The following PHF21B variants were observed in gnomAD, a reference collection of about 807,000 sequenced individuals.
The protein encoded by PHF21B is PHD finger protein 21B.
PHF21B carries 22 observed loss-of-function variants against 62.2 expected under a neutral mutation model. The observed-to-expected ratio is 0.35, with a 90% CI of 0.25 to 0.51. The LOEUF is 0.51. PHF21B is among the 20% of genes least tolerant of loss of function. PHF21B has a pLI of 0.97. For missense variants in PHF21B, 701 were observed against 707.9 expected, an observed-to-expected ratio of 0.99 and a Z score of 0.11; for synonymous variants, 341 against 314.7, an observed-to-expected ratio of 1.08 and a Z score of -0.88.
intron 2 of PHF21B, among the ~76,000 whole-genome samples, chr22:45,007,781 CA>C (rs1050417913): frequency 4.9e-5 from 5 of 102,958 alleles, no homozygotes; most frequent in Non-Finnish European, 8.2e-5. Context: ...GGGCGGGAGC[CA>C]GGGGGCGGGG....
chr22:44,961,203 C>G (rs1327100290), intron 2 of PHF21B, among the ~76,000 whole-genome samples: 1 of 152,080 alleles, frequency 6.6e-6, no homozygotes, highest in Non-Finnish European at 1.5e-5. Flanking sequence ...GATCCACCTG[C>G]CTCAGCCTCC....
intron 7 of PHF21B, 152 bp from the exon 8 acceptor site, chr22:44,891,512 G>C: frequency 5.0e-6 from 4 of 800,788 alleles, no homozygotes; most frequent in Non-Finnish European, 4.0e-6. Flanking sequence ...GCAGAAATAG[G>C]AACAAATACA....
At chr22:44,889,918 A>G in intron 8 of PHF21B, 136 bp from the exon 9 acceptor site, 4 of 889,886 alleles carry the variant, frequency 4.5e-6, no homozygotes, top group Non-Finnish European at 6.5e-6. Context: ...GGCCCCCATG[A>G]TACCTGGGCT....
chr22:44,958,598 A>ATTTTTTTT lies in PHF21B; in HGVS notation c.121-38116_121-38109dup, dbSNP rs59943293. On this transcript the variant is annotated intron_variant, in intron 2 of 12. Transcript: ENST00000313237. Reference sequence around the variant, plus strand: ...AGCTTCATCTTCCAGCCTTCCTTTGATTTTTTTTTTTTTTTTTTTTTTTTT... The same window carrying ATTTTTTTT: ...AGCTTCATCTTCCAGCCTTCCTTTGATTTTTTTTTTTTTTTTTTTTTTTTTTTTTTTTT... 4.6e-3 allele frequency among the ~76,000 whole-genome samples: 352 copies of ATTTTTTTT among 75,874 alleles called. 7 individuals are homozygous for ATTTTTTTT. Among genetic ancestry groups the ATTTTTTTT allele is most frequent in the Non-Finnish European group, 5.1e-3 (233 of 45,572 alleles). 49.8% of individuals were successfully genotyped at this position (75,874 alleles called of 152,430 possible).
At chr22:44,909,580 C>T (rs1284039209) in intron 5 of PHF21B, among the ~76,000 whole-genome samples, 3 of 152,246 alleles carry the variant, frequency 2.0e-5, no homozygotes, top group East Asian at 1.9e-4. Flanking sequence ...TATTCCGTGG[C>T]TCCCCATTAC....
chr22:44,953,038 G>A lies in PHF21B; in HGVS notation c.121-32548C>T, dbSNP rs114733846. Reference sequence around the variant, plus strand: ...AGCCAGGGGGACAGAAGTGGGCTGGGGTGGGCCAGGCATCAGGATCCCAAC... The same window carrying A: ...AGCCAGGGGGACAGAAGTGGGCTGGAGTGGGCCAGGCATCAGGATCCCAAC... On this transcript the variant is annotated intron_variant, in intron 2 of 12. Transcript: ENST00000313237. Among the ~76,000 whole-genome samples the A allele has an allele frequency of 6.4e-3, 981 of 152,280 alleles. 14 individuals are homozygous for A. The highest frequency in any genetic ancestry group is 0.022 in the African/African-American group (926 of 41,540).
intron 2 of PHF21B, among the ~76,000 whole-genome samples, chr22:44,952,986 C>T (rs1313056273): frequency 1.3e-5 from 2 of 152,186 alleles, no homozygotes; most frequent in African/African-American, 4.8e-5. Context: ...CTCCCCATTC[C>T]GCAGACCCCT....
chr22:44,973,058 G>A (rs1485694635), intron 2 of PHF21B, among the ~76,000 whole-genome samples: 1 of 152,216 alleles, frequency 6.6e-6, no homozygotes, highest in Non-Finnish European at 1.5e-5. Context: ...CAGCTTTGTT[G>A]TCAGAATTAA....
At chr22:44,982,325 G>A (rs1424765398) in intron 2 of PHF21B, among the ~76,000 whole-genome samples, 3 of 152,240 alleles carry the variant, frequency 2.0e-5, no homozygotes, top group African/African-American at 7.2e-5. Flanking sequence ...GAAGAGGAAA[G>A]ACGACAAGAT....
At chr22:44,914,831 C>G (rs2071406658) in intron 4 of PHF21B, among the ~76,000 whole-genome samples, 1 of 152,170 alleles carries the variant, frequency 6.6e-6, no homozygotes, top group Admixed American at 6.5e-5. Flanking sequence ...AGCCTGAAAT[C>G]CACCCATCCG....
chr22:44,917,111 G>A (rs16993093), intron 3 of PHF21B, among the ~76,000 whole-genome samples: 5,773 of 152,314 alleles, frequency 0.038, 223 homozygotes, highest in Admixed American at 0.13. Context: ...CTGCGCTCCC[G>A]TGAAAACCAG....
intron 2 of PHF21B, among the ~76,000 whole-genome samples, chr22:44,953,551 TG>T (rs1185846081): frequency 2.6e-5 from 4 of 152,126 alleles, no homozygotes; most frequent in African/African-American, 9.7e-5. Context: ...TTCAACGCTG[TG>T]AACTCCTCTA....
chr22:44,888,623 T>G (rs2070903392), intron 9 of PHF21B, among the ~76,000 whole-genome samples: 1 of 152,182 alleles, frequency 6.6e-6, no homozygotes, highest in South Asian at 2.1e-4. Flanking sequence ...TGTACTCGGC[T>G]CTCTGTTCAC....
intron 2 of PHF21B, among the ~76,000 whole-genome samples, chr22:44,990,947 A>G (rs1417336603): frequency 6.6e-6 from 1 of 152,188 alleles, no homozygotes; most frequent in Non-Finnish European, 1.5e-5. Flanking sequence ...GCCCTGAACC[A>G]CCTTGGAAGG....
intron 5 of PHF21B, among the ~76,000 whole-genome samples, chr22:44,908,924 A>G (rs1457498067): frequency 6.6e-6 from 1 of 152,114 alleles, no homozygotes; most frequent in Non-Finnish European, 1.5e-5. Context: ...CAGCCTCCCA[A>G]GTAGCTGGGA....
chr22:44,988,943 C>T (rs374956910), intron 2 of PHF21B, among the ~76,000 whole-genome samples: 79 of 152,252 alleles, frequency 5.2e-4, no homozygotes, highest in African/African-American at 1.6e-3. Context: ...TGTGTCCTCA[C>T]GAAGGCAGAC....
chr22:44,991,676 G>A (rs947299431), intron 2 of PHF21B, among the ~76,000 whole-genome samples: 3 of 152,192 alleles, frequency 2.0e-5, no homozygotes, highest in Non-Finnish European at 4.4e-5. Context: ...CAGCTGGGGG[G>A]CTCCTGTGGT....
intron 2 of PHF21B, among the ~76,000 whole-genome samples, chr22:44,978,445 C>T (rs1349615042): frequency 1.3e-5 from 2 of 152,192 alleles, no homozygotes; most frequent in Non-Finnish European, 2.9e-5. Flanking sequence ...CTGCCACCTC[C>T]GCTTCCCGGG....
In PHF21B at chr22:44,969,665, C is replaced by CA. The variant is rs1037754495; in HGVS notation, c.120+38879dup. ...TGGGTCATACAGCGAGACTCAGTCT[C>CA]AAAAAAAAAGAAAAAGAAAAAGAAA... On this transcript the variant is annotated intron_variant, in intron 2 of 12. Coordinates refer to ENST00000313237, the MANE Select transcript of PHF21B (RefSeq NM_138415.5). Among the ~76,000 whole-genome samples, 24 of 148,360 alleles carry CA rather than the reference C, an allele frequency of 1.6e-4. 1 individual carries two copies. Among genetic ancestry groups the CA allele is most frequent in the Admixed American group, 2.7e-4 (4 of 14,892 alleles).
Sources: allele counts gnomAD v4.1 joint callset (sites outside exome capture counted in the v4.1 genomes callset), GRCh38; gene constraint gnomAD v4.1.1; transcripts MANE v1.5; gene names NCBI Gene and HGNC (gene_info 2026-07-23, HGNC 2026-07-21).